CHRNA5: variants seen among roughly 807,000 people sequenced by gnomAD.
The protein encoded by CHRNA5 is neuronal acetylcholine receptor subunit alpha-5.
In CHRNA5, 28 loss-of-function variants were observed where a neutral mutation model predicts 41.2. That is an observed-to-expected ratio of 0.68 (90% CI 0.50 to 0.93). The LOEUF (loss-of-function observed/expected upper bound fraction) is 0.93. Ranked by LOEUF, CHRNA5 falls within the 40% of genes least tolerant of loss-of-function variation. The pLI is 0.00. For missense variants in CHRNA5, 481 were observed against 581.9 expected (o/e 0.83, Z 1.78); for synonymous variants, 188 against 205.8 (o/e 0.91, Z 0.74).
rs189008630 is a variant in CHRNA5, at chr15:78,575,814, A to G, written c.107-4997A>G. Among the ~76,000 whole-genome samples, 10 of 152,262 alleles carry G rather than the reference A, an allele frequency of 6.6e-5. 1 individual carries two copies. The highest frequency in any genetic ancestry group is 2.6e-4 in the Admixed American group (4 of 15,286). On this transcript the variant is annotated intron_variant, in intron 1 of 5. Coordinates refer to ENST00000299565, the Ensembl canonical transcript of CHRNA5. ...ATATCCAAAGTTGAGTAACTTATCT[A>G]TCTTTTTGGTTATAGCCAATCCTAT...
chr15:78,593,378 C>T, exon 6 of CHRNA5: 1 of 924,568 alleles, frequency 1.1e-6, no homozygotes. Context: ...AAGTTGCTAA[C>T]CTCAATTTAT....
chr15:78,593,095 G>A (rs748912077), exon 6 of CHRNA5: 2 of 1,604,604 alleles, frequency 1.2e-6, no homozygotes, highest in Non-Finnish European at 1.7e-6. Flanking sequence ...CTAACAGGTT[G>A]TTGAAGATTG....
At chr15:78,572,294 T>C (rs915135991) in intron 1 of CHRNA5, among the ~76,000 whole-genome samples, 1 of 152,138 alleles carries the variant, frequency 6.6e-6, no homozygotes, top group Non-Finnish European at 1.5e-5. Context: ...GATTTGTTAA[T>C]TACAGCATTT....
exon 6 of CHRNA5, chr15:78,593,131 C>T (rs138253116): frequency 1.1e-4 from 183 of 1,612,846 alleles, no homozygotes; most frequent in East Asian, 1.6e-4. Context: ...GGTTCTTGAT[C>T]GGATGTTTCT....
At position 78,592,445 on chromosome 15, in the gene CHRNA5, C is replaced by T. The variant is rs939125062; in HGVS notation, c.1246-647C>T. Reference sequence around the variant, plus strand: ...TCATAGAGGTTCAGGGCCAGGGAAGCCCCTGGTCAAGGAAATGGCCTTGTA... The same window carrying T: ...TCATAGAGGTTCAGGGCCAGGGAAGTCCCTGGTCAAGGAAATGGCCTTGTA... On this transcript the variant is annotated intron_variant, in intron 5 of 5. Transcript: ENST00000299565. Among the ~76,000 whole-genome samples, 4 of 152,304 alleles carry T rather than the reference C, an allele frequency of 2.6e-5. No individual in the cohort carries two copies. In the East Asian group the frequency reaches 5.8e-4, roughly 22 times the overall value.
chr15:78,570,334 C>T (rs1158490415), intron 1 of CHRNA5, among the ~76,000 whole-genome samples: 3 of 151,330 alleles, frequency 2.0e-5, no homozygotes, highest in Non-Finnish European at 4.4e-5. Flanking sequence ...TCTTGGCTCA[C>T]TGACACCTCT....
At chr15:78,579,551 T>G (rs1418414183) in intron 1 of CHRNA5, among the ~76,000 whole-genome samples, 1 of 152,026 alleles carries the variant, frequency 6.6e-6, no homozygotes, top group African/African-American at 2.4e-5. Context: ...ACCGCCTATT[T>G]ATTTTTTTTA....
At chr15:78,579,731 G>A (rs2052893293) in intron 1 of CHRNA5, among the ~76,000 whole-genome samples, 1 of 151,958 alleles carries the variant, frequency 6.6e-6, no homozygotes, top group Non-Finnish European at 1.5e-5. Flanking sequence ...TGACCTCACT[G>A]TTGCTAATCC....
At chr15:78,578,369 G>A (rs1271628814) in intron 1 of CHRNA5, among the ~76,000 whole-genome samples, 2 of 152,164 alleles carry the variant, frequency 1.3e-5, no homozygotes, top group Admixed American at 6.5e-5. Flanking sequence ...TTAGCCAGGC[G>A]TGGTGGCGTG....
intron 2 of CHRNA5, among the ~76,000 whole-genome samples, chr15:78,582,280 G>C (rs939583591): frequency 6.6e-6 from 1 of 152,116 alleles, no homozygotes; most frequent in South Asian, 2.1e-4. Flanking sequence ...GAGGTCAGGA[G>C]TTCCAGACCA....
intron 2 of CHRNA5, among the ~76,000 whole-genome samples, chr15:78,583,986 A>T (rs1362019949): frequency 1.3e-5 from 2 of 152,118 alleles, no homozygotes; most frequent in Non-Finnish European, 2.9e-5. Flanking sequence ...CAGGAACCTG[A>T]TCCTTGAGGA....
chr15:78,565,668 C>A, exon 1 of CHRNA5: 1 of 662,778 alleles, frequency 1.5e-6, no homozygotes, highest in Non-Finnish European at 2.0e-6. Context: ...TTCGCGTTCC[C>A]CGCGCGGCGG....
intron 1 of CHRNA5, among the ~76,000 whole-genome samples, chr15:78,573,963 A>ATTT (rs979485573): frequency 0.013 from 1,336 of 102,042 alleles, 26 homozygotes; most frequent in Non-Finnish European, 0.02. Flanking sequence ...CGCCTGGCTA[A>ATTT]TTTTTTTTTT....
chr15:78,583,037 T>G (rs996390592), intron 2 of CHRNA5, among the ~76,000 whole-genome samples: 2 of 152,210 alleles, frequency 1.3e-5, no homozygotes, highest in African/African-American at 2.4e-5. Flanking sequence ...AAATTTTTTT[T>G]TTTTTGCACT....
chr15:78,587,092 G>A (rs1025757607), intron 3 of CHRNA5, among the ~76,000 whole-genome samples: 1 of 152,116 alleles, frequency 6.6e-6, no homozygotes, highest in African/African-American at 2.4e-5. Context: ...TGAAGGAGAG[G>A]CAAAGGCATG....
chr15:78,592,819 G>A (rs959429294), intron 5 of CHRNA5, among the ~76,000 whole-genome samples: 2 of 152,072 alleles, frequency 1.3e-5, no homozygotes, highest in Non-Finnish European at 2.9e-5. Context: ...AAATATCCAA[G>A]TCTATTTTAA....
At chr15:78,589,598 G>T (rs904088612) in intron 4 of CHRNA5, 13 of 476,744 alleles carry the variant, frequency 2.7e-5, no homozygotes, top group Non-Finnish European at 4.7e-5. Flanking sequence ...AGAAGAAGGG[G>T]TTCAGTTCTA....
At chr15:78,581,499 T>C (rs932842255) in intron 2 of CHRNA5, among the ~76,000 whole-genome samples, 1 of 152,224 alleles carries the variant, frequency 6.6e-6, no homozygotes, top group Admixed American at 6.5e-5. Context: ...TTCATGCTAA[T>C]TTTTAAACTA....
At chr15:78,593,158 G>T in exon 6 of CHRNA5, 1 of 1,613,600 alleles carries the variant, frequency 6.2e-7, no homozygotes, top group East Asian at 2.2e-5. Flanking sequence ...TTTTCTTTTC[G>T]TTTCAATTGT....
Sources: gnomAD v4.1 joint callset for allele counts (sites outside exome capture counted in the v4.1 genomes callset) on GRCh38, gnomAD v4.1.1 for gene constraint, MANE v1.5 for transcripts, NCBI Gene and HGNC (gene_info 2026-07-23, HGNC 2026-07-21) for gene names.